Variants in ZMAT4 observed in about 807,000 individuals in gnomAD.
ZMAT4 encodes zinc finger matrin-type protein 4.
A neutral mutation model predicts 28.7 loss-of-function variants in ZMAT4; 17 were observed. The observed-to-expected ratio is 0.59, with a 90% CI of 0.41 to 0.89. The LOEUF is 0.89. ZMAT4 is among the 40% of genes least tolerant of loss of function. The pLI is 0.00. For synonymous variants in ZMAT4, 117 were observed against 109.2 expected, an observed-to-expected ratio of 1.07 and a Z score of -0.44; for missense variants, 240 against 283.8, an observed-to-expected ratio of 0.85 and a Z score of 1.11.
chr8:40,878,270 T>C (rs2150660641), intron 1 of ZMAT4, among the ~76,000 whole-genome samples: 1 of 152,250 alleles, frequency 6.6e-6, no homozygotes, highest in Middle Eastern at 3.4e-3. Flanking sequence ...GTCCCCCCAG[T>C]CCTCACTTGA....
chr8:40,631,498 A>G (rs1366016723), intron 5 of ZMAT4, among the ~76,000 whole-genome samples: 1 of 103,144 alleles, frequency 9.7e-6, no homozygotes, highest in African/African-American at 2.8e-5. Context: ...CAGAGTAGAC[A>G]CTAAGGCTTA....
intron 3 of ZMAT4, among the ~76,000 whole-genome samples, chr8:40,713,921 C>CAAAAAAAAAAAAAAAAAAA (rs532317102): frequency 2.8e-4 from 14 of 49,904 alleles, no homozygotes; most frequent in Admixed American, 4.9e-4. Context: ...AAAACAAAAC[C>CAAAAAAAAAAAAAAAAAAA]AAAAAAAAAA....
At chr8:40,668,405 G>A (rs1468749970) in intron 5 of ZMAT4, among the ~76,000 whole-genome samples, 2 of 146,526 alleles carry the variant, frequency 1.4e-5, no homozygotes, top group Non-Finnish European at 1.5e-5. Flanking sequence ...AGGAGGCGGA[G>A]GTTGCAGTGA....
chr8:40,815,108 C>T (rs1307339293), intron 2 of ZMAT4, among the ~76,000 whole-genome samples: 1 of 152,010 alleles, frequency 6.6e-6, no homozygotes, highest in Non-Finnish European at 1.5e-5. Flanking sequence ...AACCCTGTCG[C>T]TATTAAAAAT....
chr8:40,601,245 A>G (rs542922037), intron 5 of ZMAT4, among the ~76,000 whole-genome samples: 10 of 151,868 alleles, frequency 6.6e-5, no homozygotes, highest in Non-Finnish European at 8.8e-5. Context: ...TGACCTAGGC[A>G]GCATTTTTTT....
intron 2 of ZMAT4, among the ~76,000 whole-genome samples, chr8:40,773,686 G>A (rs1160849516): frequency 6.6e-6 from 1 of 152,124 alleles, no homozygotes; most frequent in Non-Finnish European, 1.5e-5. Flanking sequence ...TAAGACAACA[G>A]ATTGAGATAA....
chr8:40,750,207 A>AATAT (rs879687760), intron 3 of ZMAT4, among the ~76,000 whole-genome samples: 1 of 151,694 alleles, frequency 6.6e-6, no homozygotes. Flanking sequence ...AAAAAGAAAA[A>AATAT]ATATATATAT....
chr8:40,717,647 C>A (rs1320498611), intron 3 of ZMAT4, among the ~76,000 whole-genome samples: 1 of 151,850 alleles, frequency 6.6e-6, no homozygotes, highest in East Asian at 1.9e-4. Context: ...GGTGACAGAG[C>A]AAGACTCTGT....
intron 3 of ZMAT4, among the ~76,000 whole-genome samples, chr8:40,756,065 C>A (rs551011684): frequency 1.3e-5 from 2 of 152,086 alleles, no homozygotes; most frequent in Non-Finnish European, 2.9e-5. Flanking sequence ...ACACATTGAT[C>A]CTCTCCTTGG....
intron 1 of ZMAT4, among the ~76,000 whole-genome samples, chr8:40,885,717 G>A (rs187292346): frequency 3.9e-5 from 6 of 152,266 alleles, no homozygotes; most frequent in Non-Finnish European, 7.3e-5. Flanking sequence ...CCCTGTCCTC[G>A]CTGCTATTCC....
chr8:40,596,347 TTTAA>T (rs1217178605), intron 5 of ZMAT4, among the ~76,000 whole-genome samples: 2 of 152,224 alleles, frequency 1.3e-5, no homozygotes, highest in Non-Finnish European at 2.9e-5. Flanking sequence ...TTCAGCTTAC[TTTAA>T]TTTTCTTCAT....
chr8:40,547,216 A>G (rs1277057725), intron 6 of ZMAT4, among the ~76,000 whole-genome samples: 1 of 152,196 alleles, frequency 6.6e-6, no homozygotes, highest in Non-Finnish European at 1.5e-5. Context: ...GGGAGCCAGG[A>G]AGAAGGTGTT....
rs745870429 is a variant in ZMAT4 at position 40,581,267 on chromosome 8, G to A, written c.578-6C>T. ...TCTGTAATTGCGCCTCAGACCTGTG[G>A]ACAACAGACAGACCTGGTTAGCTGC... On this transcript the variant is annotated splice_region_variant and splice_polypyrimidine_tract_variant and intron_variant, in intron 5 of 6. Coordinates refer to ENST00000297737, the MANE Select transcript of ZMAT4 (RefSeq NM_024645.3). 1 of 1,611,888 alleles carries A rather than the reference G, an allele frequency of 6.2e-7. No individual in the cohort carries two copies. Among genetic ancestry groups the A allele is most frequent in the South Asian group, 1.1e-5 (1 of 91,028 alleles).
rs11461186 is a variant in ZMAT4 at position 40,732,834 on chromosome 8, C to CTTTTTTTTTT, written c.192+34797_192+34806dup. ...GCAGACCTGGGCTGAGCAAGACCTC[C>CTTTTTTTTTT]TTTTTTTTTTTTTTTTTTTTTTTTT... is the stretch of plus-strand genomic sequence containing the variant. On this transcript the variant is annotated intron_variant, in intron 3 of 6. Transcript: ENST00000297737. Among the ~76,000 whole-genome samples the CTTTTTTTTTT allele has an allele frequency of 3.0e-4, 20 of 67,022 alleles. 2 individuals carry two copies. The highest frequency in any genetic ancestry group is 1.1e-3 in the African/African-American group (20 of 17,472). 44.0% of individuals were successfully genotyped at this position (67,022 alleles called of 152,430 possible).
chr8:40,715,137 G>A (rs1208158362), intron 3 of ZMAT4, among the ~76,000 whole-genome samples: 2 of 151,620 alleles, frequency 1.3e-5, no homozygotes, highest in Admixed American at 6.6e-5. Context: ...CCAGAAAGAA[G>A]TGAGGAACTG....
intron 5 of ZMAT4, among the ~76,000 whole-genome samples, chr8:40,637,724 C>T (rs916083049): frequency 1.8e-4 from 28 of 152,212 alleles, no homozygotes; most frequent in African/African-American, 6.5e-4. Flanking sequence ...ACACACGTGA[C>T]TCAGGTGGAG....
At chr8:40,863,911 T>G (rs961839409) in intron 1 of ZMAT4, among the ~76,000 whole-genome samples, 2 of 152,314 alleles carry the variant, frequency 1.3e-5, no homozygotes, top group South Asian at 4.1e-4. Context: ...ATCAAAATAA[T>G]TATCACACAT....
chr8:40,617,138 T>TA (rs1806037209), intron 5 of ZMAT4, among the ~76,000 whole-genome samples: 1 of 152,258 alleles, frequency 6.6e-6, no homozygotes, highest in South Asian at 2.1e-4. Context: ...GGTCTTAAAG[T>TA]AAAGTAAAGG....
At chr8:40,817,105 A>G (rs1815570930) in intron 2 of ZMAT4, among the ~76,000 whole-genome samples, 1 of 152,178 alleles carries the variant, frequency 6.6e-6, no homozygotes, top group African/African-American at 2.4e-5. Flanking sequence ...GCTTCCTCAC[A>G]TGGGTAAGGA....
Sources: allele counts gnomAD v4.1 joint callset (sites outside exome capture counted in the v4.1 genomes callset), GRCh38; gene constraint gnomAD v4.1.1; transcripts MANE v1.5; gene names NCBI Gene and HGNC (gene_info 2026-07-23, HGNC 2026-07-21).